The following CORO2B variants were observed in gnomAD, a reference collection of about 807,000 sequenced individuals.
CORO2B encodes coronin 2B.
CORO2B carries 26 observed loss-of-function variants against 58.8 expected under a neutral mutation model. That is an observed-to-expected ratio of 0.44 (90% CI 0.32 to 0.61). The LOEUF (loss-of-function observed/expected upper bound fraction) is 0.61. CORO2B is among the 20% of genes least tolerant of loss of function. The pLI, the probability that CORO2B is intolerant of heterozygous loss-of-function variation, is 0.04. For synonymous variants in CORO2B, 242 were observed against 253.8 expected (o/e 0.95, Z 0.44); for missense variants, 460 against 645.1 (o/e 0.71, Z 3.11).
chr15:68,577,395 C>T (rs1899308197), upstream of CORO2B, among the ~76,000 whole-genome samples: 1 of 152,136 alleles, frequency 6.6e-6, no homozygotes, highest in South Asian at 2.1e-4. Context: ...TCTTTCCTCA[C>T]ACTGTTGCAT....
intron 5 of CORO2B, 72 bp from the exon 6 acceptor site, chr15:68,713,853 A>G: frequency 2.0e-6 from 2 of 998,002 alleles, no homozygotes; most frequent in Non-Finnish European, 3.2e-6. Context: ...TCTTTTCGGG[A>G]CCACCATTCA....
chr15:68,534,249 G>GATGTGTACACACACCTGCACAT, the CORO2B span, among the ~76,000 whole-genome samples: 1 of 150,086 alleles, frequency 6.7e-6, no homozygotes, highest in Non-Finnish European at 1.5e-5. Flanking sequence ...CACATGCATG[G>GATGTGTACACACACCTGCACAT]ATGTGTACAC....
the CORO2B span, among the ~76,000 whole-genome samples, chr15:68,561,779 G>A: frequency 3.3e-4 from 50 of 152,284 alleles, no homozygotes; most frequent in African/African-American, 1.2e-3. Flanking sequence ...CTGTGTGAGC[G>A]GAGCATGTTT....
chr15:68,532,744 T>A, the CORO2B span, among the ~76,000 whole-genome samples: 152 of 152,354 alleles, frequency 1.0e-3, no homozygotes, highest in African/African-American at 3.6e-3. Context: ...TTTTGTTGCC[T>A]TTGTGTAAAG....
At position 68,643,553 on chromosome 15, in the gene CORO2B, C is replaced by T. The variant is rs182254510; in HGVS notation, c.16-1607C>T. ...GAGGAGCGGAGAGCAGGGAGACTGG[C>T]CCTGTGGGATGGAGGGCAACCTTGG... On this transcript the variant is annotated intron_variant, in intron 1 of 11. Transcript: ENST00000261861. Among the ~76,000 whole-genome samples, 135 of 152,192 alleles carry T rather than the reference C, an allele frequency of 8.9e-4. 2 individuals are homozygous for T. The East Asian group carries it at 0.019, about 21-fold the overall frequency.
At chr15:68,680,557 C>T (rs987439960) in intron 2 of CORO2B, among the ~76,000 whole-genome samples, 1 of 152,190 alleles carries the variant, frequency 6.6e-6, no homozygotes, top group African/African-American at 2.4e-5. Flanking sequence ...ATTAGGTCCA[C>T]CGTCTATGGC....
chr15:68,552,726 A>G, the CORO2B span, among the ~76,000 whole-genome samples: 2 of 152,032 alleles, frequency 1.3e-5, no homozygotes, highest in African/African-American at 2.4e-5. Context: ...ATAGAATCGC[A>G]TGCTTCCTTC....
At position 68,695,243 on chromosome 15, in the gene CORO2B, C is replaced by A; in HGVS notation, c.320C>A (p.Ser107Ter). 6.2e-7 allele frequency: 1 copy of A among 1,613,724 alleles called. No homozygotes were observed. Among genetic ancestry groups the A allele is most frequent in the Non-Finnish European group, 8.5e-7 (1 of 1,179,786 alleles). ...PFIDNIIASC[S>*]EDTSVRIWEI... Reference sequence around the variant, plus strand: ...ATCGACAACATCATTGCCTCGTGCTCGGAGGACACGTCGGTGAGCAGAGGG... The same window carrying A: ...ATCGACAACATCATTGCCTCGTGCTAGGAGGACACGTCGGTGAGCAGAGGG... The change falls in exon 3 of 12, where the codon TCG becomes TAG. Residue 107 changes from serine to a stop codon, truncating the protein, a stop_gained. Transcript: ENST00000261861. LOFTEE classifies it high-confidence loss of function.
At position 68,726,306 on chromosome 15, in the gene CORO2B, G is replaced by A. The variant is rs541396410; in HGVS notation, c.*332G>A. On this transcript the variant is annotated 3_prime_UTR_variant, in exon 12 of 12. Coordinates refer to ENST00000261861, the MANE Select transcript of CORO2B (RefSeq NM_006091.5). ...GGACCAGGAAGCAAGAGGGGAAGCG[G>A]GATCCCAGCTAGACTTAGAACTTGG... is the stretch of plus-strand genomic sequence containing the variant. The A allele has an allele frequency of 9.6e-5, 32 of 334,336 alleles. No homozygotes were observed. The highest frequency in any genetic ancestry group is 6.3e-4 in the African/African-American group (28 of 44,552). 20.7% of individuals were successfully genotyped at this position (334,336 alleles called of 1,614,324 possible). A position where few individuals can be genotyped will look rare whatever the true frequency, so the allele number is the denominator to read the frequency against.
chr15:68,636,539 C>T (rs1380567944), intron 1 of CORO2B, among the ~76,000 whole-genome samples: 2 of 152,174 alleles, frequency 1.3e-5, no homozygotes. Context: ...GGAGGCAGGA[C>T]AGAGCTGGGT....
intron 2 of CORO2B, 136 bp from the exon 3 acceptor site, chr15:68,695,003 AC>A: frequency 1.5e-6 from 1 of 662,308 alleles, no homozygotes; most frequent in Non-Finnish European, 2.6e-6. Context: ...GGGCCCAAAA[AC>A]AAAAATAAAA....
chr15:68,572,865 A>C, the CORO2B span, among the ~76,000 whole-genome samples: 1 of 152,170 alleles, frequency 6.6e-6, no homozygotes, highest in African/African-American at 2.4e-5. Flanking sequence ...TCATGGCCCC[A>C]AGGAGATTCT....
At chr15:68,691,678 T>A (rs1435107626) in intron 2 of CORO2B, among the ~76,000 whole-genome samples, 1 of 151,784 alleles carries the variant, frequency 6.6e-6, no homozygotes, top group Non-Finnish European at 1.5e-5. Flanking sequence ...GCTTTTTTTT[T>A]AAGCAATGGA....
chr15:68,523,726 C>CAGAT, the CORO2B span, among the ~76,000 whole-genome samples: 3 of 152,152 alleles, frequency 2.0e-5, no homozygotes, highest in African/African-American at 7.2e-5. Flanking sequence ...TCTGCTCTAT[C>CAGAT]AGATAGCCTA....
chr15:68,578,655 G>A (rs1595948280), upstream of CORO2B, among the ~76,000 whole-genome samples: 1 of 151,968 alleles, frequency 6.6e-6, no homozygotes, highest in Non-Finnish European at 1.5e-5. The surrounding 1 kb of genome is among the most constrained non-coding windows in gnomAD (Gnocchi z 4.2). Context: ...CGCCTCGGCC[G>A]TCCAGCCTGT....
intron 2 of CORO2B, among the ~76,000 whole-genome samples, chr15:68,650,172 C>G (rs1242487314): frequency 6.6e-6 from 1 of 151,956 alleles, no homozygotes; most frequent in South Asian, 2.1e-4. Flanking sequence ...AGTTCAAGAC[C>G]AGCCTGACCA....
upstream of CORO2B, among the ~76,000 whole-genome samples, chr15:68,578,539 T>G (rs1005350368): frequency 4.6e-5 from 7 of 152,118 alleles, no homozygotes; most frequent in African/African-American, 1.7e-4. The surrounding 1 kb of genome is among the most constrained non-coding windows in gnomAD (Gnocchi z 4.2). Context: ...CTCCCGGGCT[T>G]GCGGCTGCCA....
At chr15:68,566,165 C>T in the CORO2B span, among the ~76,000 whole-genome samples, 1 of 152,166 alleles carries the variant, frequency 6.6e-6, no homozygotes, top group Non-Finnish European at 1.5e-5. Flanking sequence ...CTCATTTAAC[C>T]CTCATAACAT....
the CORO2B span, among the ~76,000 whole-genome samples, chr15:68,530,954 A>G: frequency 6.6e-6 from 1 of 151,798 alleles, no homozygotes; most frequent in Admixed American, 6.6e-5. Context: ...CTGCCATTCT[A>G]TTGTTTGTTT....
Sources: gnomAD v4.1 joint callset for allele counts (sites outside exome capture counted in the v4.1 genomes callset) on GRCh38, gnomAD v4.1.1 for gene constraint, Gnocchi (gnomAD v3.1) non-coding constraint, MANE v1.5 for transcripts, NCBI Gene and HGNC (gene_info 2026-07-23, HGNC 2026-07-21) for gene names.